The following THSD7B variants were observed in gnomAD, a reference collection of about 807,000 sequenced individuals.
The protein encoded by THSD7B is thrombospondin type 1 domain containing 7B, also known as thrombospondin type-1 domain-containing protein 7B.
THSD7B carries 138 observed loss-of-function variants against 213.6 expected under a neutral mutation model. That is an observed-to-expected ratio of 0.65 (90% CI 0.56 to 0.74). THSD7B has a LOEUF of 0.74. Ranked by LOEUF, THSD7B falls within the 30% of genes least tolerant of loss-of-function variation. The pLI, the probability that THSD7B is intolerant of heterozygous loss-of-function variation, is 0.00. For synonymous variants in THSD7B, 742 were observed against 687.0 expected, an observed-to-expected ratio of 1.08 and a Z score of -1.25; for missense variants, 1,931 against 1,991.5, an observed-to-expected ratio of 0.97 and a Z score of 0.58.
Position 137,163,204 on chromosome 2 carries a change from G to A in THSD7B, c.1525+2836G>A, listed in dbSNP as rs902944745. On this transcript the variant is annotated intron_variant, in intron 6 of 27. Coordinates refer to ENST00000409968, the MANE Select transcript of THSD7B (RefSeq NM_001316349.2). ...TCTATAGTAAAAGTCAACCTGTGCAGATATACCCTGGTCCATCATTCATAA... is the reference window on the plus strand; with the variant it reads ...TCTATAGTAAAAGTCAACCTGTGCAAATATACCCTGGTCCATCATTCATAA... 6.6e-5 allele frequency among the ~76,000 whole-genome samples: 10 copies of A among 152,262 alleles called. No individual in the cohort carries two copies. The East Asian group carries it at 1.7e-3, about 26-fold the overall frequency.
chr2:137,435,531 G>T (rs1286360278), intron 14 of THSD7B, among the ~76,000 whole-genome samples: 1 of 152,096 alleles, frequency 6.6e-6, no homozygotes, highest in African/African-American at 2.4e-5. Flanking sequence ...GCTTTGAGCA[G>T]GAGAAAATTA....
At chr2:137,645,672 TA>T (rs35469469) in intron 21 of THSD7B, among the ~76,000 whole-genome samples, 68,891 of 145,012 alleles carry the variant, frequency 0.48, 16,081 homozygotes, top group South Asian at 0.53. Flanking sequence ...TCATGGTGTG[TA>T]AAAAAAAAAA....
At chr2:137,565,384 A>G (rs1313943639) in intron 16 of THSD7B, among the ~76,000 whole-genome samples, 6 of 152,132 alleles carry the variant, frequency 3.9e-5, no homozygotes, top group Non-Finnish European at 8.8e-5. Flanking sequence ...CTTTCATAAC[A>G]TGGTTGGAAA....
chr2:137,030,011 C>T (rs767518496), intron 2 of THSD7B, among the ~76,000 whole-genome samples: 39 of 152,226 alleles, frequency 2.6e-4, no homozygotes, highest in African/African-American at 5.8e-4. Context: ...ATGGGGTACA[C>T]GCTGTTATAT....
chr2:137,164,224 G>A (rs1291961116), intron 6 of THSD7B, among the ~76,000 whole-genome samples: 3 of 152,054 alleles, frequency 2.0e-5, no homozygotes, highest in Non-Finnish European at 4.4e-5. Flanking sequence ...GGTGGGGAGT[G>A]TTTTGCCCCA....
intron 1 of THSD7B, among the ~76,000 whole-genome samples, chr2:136,828,735 C>T (rs191823168): frequency 1.3e-5 from 2 of 152,184 alleles, no homozygotes; most frequent in African/African-American, 2.4e-5. Flanking sequence ...ATTCTTGCCT[C>T]GTTTGTTTCA....
intron 12 of THSD7B, among the ~76,000 whole-genome samples, chr2:137,387,612 T>C (rs1685925604): frequency 6.6e-6 from 1 of 152,156 alleles, no homozygotes; most frequent in Non-Finnish European, 1.5e-5. Context: ...GGAAAGACCT[T>C]TCCCAATAGT....
At chr2:137,457,563 C>T (rs1687787008) in intron 15 of THSD7B, among the ~76,000 whole-genome samples, 1 of 152,202 alleles carries the variant, frequency 6.6e-6, no homozygotes, top group Non-Finnish European at 1.5e-5. Context: ...ATAGCATTAG[C>T]TTCAACAGGA....
rs149838444 is a variant in THSD7B at position 137,344,196 on chromosome 2, T to C, written c.2501-61417T>C. On this transcript the variant is annotated intron_variant, in intron 12 of 27. Transcript: ENST00000409968. ...TGGAACAGTTTCATCCCGAAGCCAC[T>C]CCCCCATATCTGTGGAAAAATTGTC... is the stretch of plus-strand genomic sequence containing the variant. Among the ~76,000 whole-genome samples the C allele has an allele frequency of 2.2e-3, 339 of 151,482 alleles. 1 individual carries two copies. Among genetic ancestry groups the C allele is most frequent in the Middle Eastern group, 0.02 (6 of 294 alleles).
At chr2:137,261,593 G>C (rs1023637028) in intron 10 of THSD7B, among the ~76,000 whole-genome samples, 4 of 152,092 alleles carry the variant, frequency 2.6e-5, no homozygotes, top group African/African-American at 9.7e-5. Flanking sequence ...AGCCAAAAGA[G>C]AAGTTTTGAA....
At chr2:137,081,078 T>G (rs1687739332) in intron 3 of THSD7B, among the ~76,000 whole-genome samples, 2 of 152,234 alleles carry the variant, frequency 1.3e-5, no homozygotes, top group South Asian at 4.1e-4. Flanking sequence ...CCAGTTTTAA[T>G]TTTTTTATTT....
At chr2:136,957,334 G>A (rs1685143305) in intron 2 of THSD7B, among the ~76,000 whole-genome samples, 1 of 152,096 alleles carries the variant, frequency 6.6e-6, no homozygotes, top group African/African-American at 2.4e-5. Context: ...GGAGGACAAG[G>A]GAGCTGACAG....
intron 5 of THSD7B, among the ~76,000 whole-genome samples, chr2:137,123,543 C>T (rs1688579755): frequency 6.6e-6 from 1 of 152,130 alleles, no homozygotes; most frequent in African/African-American, 2.4e-5. Context: ...ACTGTCATTG[C>T]CTCCTGGCCT....
At chr2:136,945,751 C>T (rs1684925219) in intron 2 of THSD7B, among the ~76,000 whole-genome samples, 1 of 152,130 alleles carries the variant, frequency 6.6e-6, no homozygotes, top group African/African-American at 2.4e-5. Context: ...CTTTCTTCCA[C>T]TTGATCGAAT....
intron 10 of THSD7B, among the ~76,000 whole-genome samples, chr2:137,255,123 A>G (rs1415971446): frequency 6.6e-6 from 1 of 152,192 alleles, no homozygotes; most frequent in Non-Finnish European, 1.5e-5. Context: ...ACCTTGAAGA[A>G]TTCCATCTTT....
Position 137,264,461 on chromosome 2 carries a change from G to A in THSD7B, c.2267-8072G>A, listed in dbSNP as rs111686487. Among the ~76,000 whole-genome samples the A allele has an allele frequency of 6.1e-3, 925 of 152,154 alleles. 12 individuals carry two copies. The highest frequency in any genetic ancestry group is 0.022 in the African/African-American group (899 of 41,504). ...GGCGGGATTTCACTGTGTTAGCCGG[G>A]ATGGTCTCGATCTCCTGACCTCGTG... On this transcript the variant is annotated intron_variant, in intron 10 of 27. Coordinates refer to ENST00000409968, the MANE Select transcript of THSD7B (RefSeq NM_001316349.2).
At chr2:137,004,111 T>C (rs761718560) in intron 2 of THSD7B, among the ~76,000 whole-genome samples, 17 of 152,176 alleles carry the variant, frequency 1.1e-4, no homozygotes, top group Non-Finnish European at 2.1e-4. Context: ...AGAAAATCAA[T>C]ATTAATTGAT....
chr2:137,001,450 A>G (rs1306185045), intron 2 of THSD7B, among the ~76,000 whole-genome samples: 1 of 152,162 alleles, frequency 6.6e-6, no homozygotes, highest in Non-Finnish European at 1.5e-5. Context: ...AGCTGAGATA[A>G]TAATTATTAT....
intron 7 of THSD7B, among the ~76,000 whole-genome samples, chr2:137,221,879 A>G (rs1295403022): frequency 6.6e-6 from 1 of 152,236 alleles, no homozygotes; most frequent in African/African-American, 2.4e-5. Flanking sequence ...AAACTTCTAG[A>G]TAATTTGAAG....
Sources: allele counts gnomAD v4.1 joint callset (sites outside exome capture counted in the v4.1 genomes callset), GRCh38; gene constraint gnomAD v4.1.1; transcripts MANE v1.5; gene names NCBI Gene and HGNC (gene_info 2026-07-23, HGNC 2026-07-21).